Variants in LHX2 observed in about 807,000 individuals in gnomAD.
LHX2 encodes the protein LIM/homeobox protein Lhx2.
In LHX2, 6 loss-of-function variants were observed where a neutral mutation model predicts 33.0. The ratio of observed to expected loss-of-function variants is 0.18; its 90% CI spans 0.10 to 0.36. LHX2 has a LOEUF of 0.36. LHX2 is among the 10% of genes least tolerant of loss of function. The pLI is 1.00. For missense variants in LHX2, 442 were observed against 586.2 expected (o/e 0.75, Z 2.54); for synonymous variants, 292 against 253.1 (o/e 1.15, Z -1.46).
rs773397715 is a variant in LHX2 at position 124,015,128 on chromosome 9, C to T, written c.330C>T (p.Phe110=). The T allele has an allele frequency of 6.2e-7, 1 of 1,612,838 alleles. No individual in the cohort carries two copies. The highest frequency in any genetic ancestry group is 1.1e-5 in the South Asian group (1 of 91,074). The part of the protein sequence containing the change: ...IYCKEDYYRR[F]SVQRCARCHL... ...CCCTCCATGGTCCCTACAGGCGCTT[C>T]TCTGTGCAGCGCTGCGCCCGCTGCC... The change falls in exon 3 of 5, where the codon TTC becomes TTT. Residue 110 remains phenylalanine, a synonymous_variant. Coordinates refer to ENST00000373615, the MANE Select transcript of LHX2 (RefSeq NM_004789.4). The surrounding 1 kb of genome is among the most constrained non-coding windows in gnomAD (Gnocchi z 7.9).
chr9:124,031,559 ATTTAAT>A (rs1036357025), intron 4 of LHX2: 2 of 152,230 alleles, frequency 1.3e-5, no homozygotes, highest in Non-Finnish European at 2.9e-5. Flanking sequence ...TGAGGCACAC[ATTTAAT>A]TTTAAGTTTT....
intron 4 of LHX2, among the ~76,000 whole-genome samples, chr9:124,028,875 A>G (rs1828668882): frequency 6.6e-6 from 1 of 152,180 alleles, no homozygotes; most frequent in Non-Finnish European, 1.5e-5. Flanking sequence ...TGGGAGGCCA[A>G]GGTGGGCGGA....
chr9:124,030,485 C>A (rs1023401006), intron 4 of LHX2, among the ~76,000 whole-genome samples: 3 of 152,158 alleles, frequency 2.0e-5, no homozygotes, highest in East Asian at 1.9e-4. Context: ...AAGGTTCAAC[C>A]CCCCCAGAGT....
chr9:124,018,837 CTT>C (rs1239209761), intron 3 of LHX2, among the ~76,000 whole-genome samples: 1 of 152,156 alleles, frequency 6.6e-6, no homozygotes, highest in East Asian at 1.9e-4. Context: ...CTGTGTTTGT[CTT>C]TTTCTCTCCT....
In LHX2 at chr9:124,033,237, G is replaced by A. The variant is rs1828724180; in HGVS notation, c.*530G>A. 6.6e-6 allele frequency: 1 copy of A among 151,912 alleles called. No individual in the cohort carries two copies. The highest frequency in any genetic ancestry group is 1.5e-5 in the Non-Finnish European group (1 of 67,980). 9.4% of individuals were successfully genotyped at this position (151,912 alleles called of 1,614,324 possible). A position where few individuals can be genotyped will look rare whatever the true frequency, so the allele number is the denominator to read the frequency against. On this transcript the variant is annotated 3_prime_UTR_variant, in exon 5 of 5. Coordinates refer to ENST00000373615, the MANE Select transcript of LHX2 (RefSeq NM_004789.4). ...CTTTGTTGTTTTAGAATTTTAAGGT[G>A]GAAGTCTGTTCGAATATCAGAATTT...
intron 3 of LHX2, among the ~76,000 whole-genome samples, chr9:124,019,610 A>C (rs1225902652): frequency 6.6e-6 from 1 of 152,254 alleles, no homozygotes; most frequent in African/African-American, 2.4e-5. Flanking sequence ...ATACATTTTT[A>C]GTATAGGTAT....
chr9:124,012,357 C>T lies in LHX2; in HGVS notation c.9C>T (p.Phe3=). 6.6e-7 allele frequency: 1 copy of T among 1,519,626 alleles called. No homozygotes were observed. Among genetic ancestry groups the T allele is most frequent in the East Asian group, 2.6e-5 (1 of 37,758 alleles). The allele number at this position is 1,519,626 out of a possible 1,614,324, so 94.1% of individuals were successfully genotyped here. A position where few individuals can be genotyped will look rare whatever the true frequency, so the allele number is the denominator to read the frequency against. Residue 3 remains phenylalanine (F), a synonymous_variant, in exon 1 of 5, where the codon TTC becomes TTT. Transcript: ENST00000373615. This position sits in a 1 kb window ranked among gnomAD's most constrained non-coding sequence, Gnocchi z 4.3. ML[F]HSLSGPEVHG... ...CCGCCGGTCCCGCCGCGATGCTGTTCCACAGTCTGTCGGGCCCCGAGGTGC... is the reference window on the plus strand; with the variant it reads ...CCGCCGGTCCCGCCGCGATGCTGTTTCACAGTCTGTCGGGCCCCGAGGTGC...
chr9:124,016,321 G>C lies in LHX2; in HGVS notation c.727+796G>C, dbSNP rs985830689. On this transcript the variant is annotated intron_variant, in intron 3 of 4. Coordinates refer to ENST00000373615, the MANE Select transcript of LHX2 (RefSeq NM_004789.4). The surrounding 1 kb of genome is among the most constrained non-coding windows in gnomAD (Gnocchi z 4.4). Reference sequence around the variant, plus strand: ...TCCCGGAGAAGCTCTGCCCCCTCCCGCGCCCCTCCCTGCTCAGGACAGCTG... The same window carrying C: ...TCCCGGAGAAGCTCTGCCCCCTCCCCCGCCCCTCCCTGCTCAGGACAGCTG... Among the ~76,000 whole-genome samples the C allele has an allele frequency of 6.6e-6, 1 of 152,120 alleles. No homozygotes were observed. Among genetic ancestry groups the C allele is most frequent in the African/African-American group, 2.4e-5 (1 of 41,436 alleles).
intron 4 of LHX2, among the ~76,000 whole-genome samples, chr9:124,031,189 C>T (rs943777147): frequency 5.3e-5 from 8 of 152,126 alleles, no homozygotes; most frequent in East Asian, 1.9e-4. Flanking sequence ...ATTTGGCTGC[C>T]GTTCCCACGC....
At chr9:124,018,311 C>T (rs954999637) in intron 3 of LHX2, among the ~76,000 whole-genome samples, 22 of 151,492 alleles carry the variant, frequency 1.5e-4, no homozygotes, top group Non-Finnish European at 3.1e-4. Flanking sequence ...CGGGTCCTCC[C>T]CCTCCCCTCG....
intron 4 of LHX2, among the ~76,000 whole-genome samples, chr9:124,021,618 T>C (rs1443982291): frequency 1.3e-5 from 2 of 152,378 alleles, no homozygotes; most frequent in Non-Finnish European, 2.9e-5. Flanking sequence ...CTGTTTATTA[T>C]TCAAGTGACA....
In LHX2 at chr9:124,014,028, G is replaced by A; in HGVS notation, c.188G>A (p.Arg63His). The A allele has an allele frequency of 6.2e-7, 1 of 1,613,634 alleles. No individual in the cohort carries two copies. Among genetic ancestry groups the A allele is most frequent in the Non-Finnish European group, 8.5e-7 (1 of 1,180,034 alleles). Residue 63 changes from arginine to histidine, a missense_variant, in exon 2 of 5, where the codon CGC becomes CAC. Arg to His is a conservative substitution (Grantham distance 29). Around this residue, in one of 5 missense-constraint regions of LHX2, gnomAD observed 72 missense variants for 171.6 expected, o/e 0.42. Transcript: ENST00000373615. The surrounding 1 kb of genome is among the most constrained non-coding windows in gnomAD (Gnocchi z 4.8). ...CAGCGGKISD[R>H]YYLLAVDKQW... ...GGCTGCGGGGGCAAGATCTCGGACC[G>A]CTACTACCTGCTGGCGGTGGACAAG...
rs950310992 is a variant in LHX2, at chr9:124,014,741, C to G, written c.324-381C>G. Among the ~76,000 whole-genome samples, 6 of 152,170 alleles carry G rather than the reference C, an allele frequency of 3.9e-5. No individual in the cohort carries two copies. The highest frequency in any genetic ancestry group is 7.3e-5 in the Non-Finnish European group (5 of 68,046). ...TCTACGTCTGTGTCTCTCTCTCTTT[C>G]CCTGTCTCTGTGTTTCTTCCAAATT... is the stretch of plus-strand genomic sequence containing the variant. On this transcript the variant is annotated intron_variant, in intron 2 of 4. Coordinates refer to ENST00000373615, the MANE Select transcript of LHX2 (RefSeq NM_004789.4). This position sits in a 1 kb window ranked among gnomAD's most constrained non-coding sequence, Gnocchi z 4.8.
chr9:124,014,093 C>T lies in LHX2; in HGVS notation c.253C>T (p.Leu85Phe). 6.2e-7 allele frequency: 1 copy of T among 1,613,712 alleles called. No homozygotes were observed. Among genetic ancestry groups the T allele is most frequent in the Non-Finnish European group, 8.5e-7 (1 of 1,180,030 alleles). Residue 85 changes from leucine to phenylalanine, a missense_variant, in exon 2 of 5, where the codon CTC becomes TTC. Physicochemically the swap from Leu to Phe is conservative, Grantham distance 22 (BLOSUM62 0). Transcript: ENST00000373615. The surrounding 1 kb of genome is among the most constrained non-coding windows in gnomAD (Gnocchi z 4.8). ...CTGCCTCAAGTGCTGCGAGTGCAAGCTCAACCTGGAGTCGGAGCTCACCTG... is the reference window on the plus strand; with the variant it reads ...CTGCCTCAAGTGCTGCGAGTGCAAGTTCAACCTGGAGTCGGAGCTCACCTG... ...MRCLKCCECKLNLESELTCFS... is the reference protein window; with the variant it reads ...MRCLKCCECKFNLESELTCFS...
In LHX2 at chr9:124,032,241, G is replaced by A. The variant is rs1201981983; in HGVS notation, c.934-179G>A. Reference sequence around the variant, plus strand: ...TGGGGGACCAAGCCAGACCCTGTCTGCAAACAAAAACAAAAACAAAAAAAC... The same window carrying A: ...TGGGGGACCAAGCCAGACCCTGTCTACAAACAAAAACAAAAACAAAAAAAC... On this transcript the variant is annotated intron_variant, in intron 4 of 4. Coordinates refer to ENST00000373615, the MANE Select transcript of LHX2 (RefSeq NM_004789.4). This position sits in a 1 kb window ranked among gnomAD's most constrained non-coding sequence, Gnocchi z 4.1. 6 of 676,024 alleles carry A rather than the reference G, an allele frequency of 8.9e-6. No homozygotes were observed. The African/African-American group carries it at 9.1e-5, about 10-fold the overall frequency. The allele number at this position is 676,024 out of a possible 1,614,324, so 41.9% of individuals were successfully genotyped here. A position where few individuals can be genotyped will look rare whatever the true frequency, so the allele number is the denominator to read the frequency against.
Position 124,033,059 on chromosome 9 carries a change from AT to A in LHX2, c.*357del. The A allele has an allele frequency of 5.4e-6, 1 of 184,912 alleles. No individual in the cohort carries two copies. The highest frequency in any genetic ancestry group is 1.1e-5 in the Non-Finnish European group (1 of 90,574). The allele number at this position is 184,912 out of a possible 1,614,324, so 11.5% of individuals were successfully genotyped here. A position where few individuals can be genotyped will look rare whatever the true frequency, so the allele number is the denominator to read the frequency against. ...TCTCCATACTTTGGATGACTTGTTC[AT>A]TTTTCTCTCCCTCTTTTTCTCTGTA... On this transcript the variant is annotated 3_prime_UTR_variant, in exon 5 of 5. Coordinates refer to ENST00000373615, the MANE Select transcript of LHX2 (RefSeq NM_004789.4).
intron 4 of LHX2, among the ~76,000 whole-genome samples, chr9:124,029,334 G>A (rs1009621912): frequency 6.6e-6 from 1 of 152,036 alleles, no homozygotes; most frequent in African/African-American, 2.4e-5. Context: ...GCCATGCACC[G>A]GGGGACATGA....
rs994169701 is a variant in LHX2 at position 124,015,582 on chromosome 9, G to C, written c.727+57G>C. The C allele has an allele frequency of 2.0e-5, 29 of 1,431,738 alleles. No individual in the cohort carries two copies. The highest frequency in any genetic ancestry group is 2.6e-5 in the Non-Finnish European group (28 of 1,085,512). The allele number at this position is 1,431,738 out of a possible 1,614,324, so 88.7% of individuals were successfully genotyped here. On this transcript the variant is annotated intron_variant, in intron 3 of 4. Coordinates refer to ENST00000373615, the MANE Select transcript of LHX2 (RefSeq NM_004789.4). This position sits in a 1 kb window ranked among gnomAD's most constrained non-coding sequence, Gnocchi z 7.9. ...GGGTTGGGGGAAAGTGTGCGGCCTC[G>C]ACGGCCGGGAGCTGGATTGAATCTC...
intron 4 of LHX2, among the ~76,000 whole-genome samples, chr9:124,027,861 A>G (rs1259706383): frequency 6.6e-6 from 1 of 152,094 alleles, no homozygotes; most frequent in East Asian, 1.9e-4. Context: ...AGTATTCATC[A>G]TTATTATTTG....
Sources: allele counts gnomAD v4.1 joint callset (sites outside exome capture counted in the v4.1 genomes callset), GRCh38; gene constraint gnomAD v4.1.1; regional missense constraint gnomAD v4.1.1; non-coding constraint Gnocchi (gnomAD v3.1); transcripts MANE v1.5; gene names NCBI Gene and HGNC (gene_info 2026-07-23, HGNC 2026-07-21).